CDKAL1: variants seen among roughly 807,000 people sequenced by gnomAD.
The protein encoded by CDKAL1 is threonylcarbamoyladenosine tRNA methylthiotransferase.
A neutral mutation model predicts 68.2 loss-of-function variants in CDKAL1; 32 were observed. The ratio of observed to expected loss-of-function variants is 0.47; its 90% CI spans 0.35 to 0.63. CDKAL1 has a LOEUF of 0.63. CDKAL1 is among the 30% of genes least tolerant of loss of function. The pLI is 0.00. For synonymous variants in CDKAL1, 234 were observed against 244.3 expected (o/e 0.96, Z 0.39); for missense variants, 606 against 696.7 (o/e 0.87, Z 1.47).
At chr6:21,019,530 G>T (rs139761523) in intron 11 of CDKAL1, among the ~76,000 whole-genome samples, 27 of 152,166 alleles carry the variant, frequency 1.8e-4, no homozygotes, top group African/African-American at 6.5e-4. Flanking sequence ...TAGACTTGAG[G>T]CTATATAACA....
chr6:20,932,940 A>C (rs902644977), intron 9 of CDKAL1, among the ~76,000 whole-genome samples: 1 of 152,178 alleles, frequency 6.6e-6, no homozygotes, highest in Admixed American at 6.6e-5. Flanking sequence ...TTGTTATTGT[A>C]TTTAGTAGCC....
Position 20,919,261 on chromosome 6 carries a change from C to T in CDKAL1, c.743-36158C>T, listed in dbSNP as rs146475689. ...ACACTGTAGACTTTTCTTCATTATT[C>T]ACAGTAGATTTAAATCACGATCAGA... On this transcript the variant is annotated intron_variant, in intron 9 of 15. Coordinates refer to ENST00000274695, the MANE Select transcript of CDKAL1 (RefSeq NM_017774.3). Among the ~76,000 whole-genome samples, 6 of 152,308 alleles carry T rather than the reference C, an allele frequency of 3.9e-5. No homozygotes were observed. The East Asian group carries it at 1.2e-3, about 29-fold the overall frequency.
At chr6:20,671,870 C>A (rs945707252) in intron 5 of CDKAL1, among the ~76,000 whole-genome samples, 1 of 152,124 alleles carries the variant, frequency 6.6e-6, no homozygotes, top group South Asian at 2.1e-4. Context: ...TCCCTAGTAG[C>A]TGGGACTCTA....
chr6:20,979,072 A>T (rs1765979839), intron 10 of CDKAL1, among the ~76,000 whole-genome samples: 2 of 152,244 alleles, frequency 1.3e-5, no homozygotes, highest in African/African-American at 2.4e-5. Context: ...CTGTATAAAA[A>T]GTAAGAGTGT....
At chr6:20,732,418 G>A (rs1464717879) in intron 5 of CDKAL1, among the ~76,000 whole-genome samples, 55 of 150,718 alleles carry the variant, frequency 3.6e-4, no homozygotes, top group Admixed American at 3.6e-3. Flanking sequence ...TGGGATTGCA[G>A]CTGTGCACCA....
At chr6:20,559,502 G>C (rs1424140786) in intron 4 of CDKAL1, 3 of 152,000 alleles carry the variant, frequency 2.0e-5, no homozygotes, top group Non-Finnish European at 1.5e-5. Context: ...ATCTTTTTTT[G>C]TTGTCTTTCT....
chr6:20,761,460 A>G (rs1561754828), intron 7 of CDKAL1, among the ~76,000 whole-genome samples: 1 of 152,206 alleles, frequency 6.6e-6, no homozygotes, highest in Non-Finnish European at 1.5e-5. Context: ...TCTATACAAA[A>G]ACCTGTTCAG....
At chr6:20,866,505 C>A (rs1456438392) in intron 9 of CDKAL1, among the ~76,000 whole-genome samples, 2 of 152,170 alleles carry the variant, frequency 1.3e-5, no homozygotes, top group African/African-American at 4.8e-5. Context: ...AGCCATCTTG[C>A]TTTGTGGTTT....
At chr6:21,117,607 A>G (rs186476374) in intron 13 of CDKAL1, among the ~76,000 whole-genome samples, 5 of 152,278 alleles carry the variant, frequency 3.3e-5, no homozygotes, top group Admixed American at 3.3e-4. Flanking sequence ...ACTGCACTCC[A>G]GCCTGGGCAA....
At chr6:20,717,709 C>T (rs1400714852) in intron 5 of CDKAL1, among the ~76,000 whole-genome samples, 2 of 152,112 alleles carry the variant, frequency 1.3e-5, no homozygotes, top group Non-Finnish European at 2.9e-5. Flanking sequence ...TTGTGGTTAG[C>T]AATATATGTC....
Position 21,132,482 on chromosome 6 carries a change from T to G in CDKAL1, c.1299+24019T>G, listed in dbSNP as rs1254323414. On this transcript the variant is annotated intron_variant, in intron 13 of 15. Transcript: ENST00000274695. ...TTAAAAATCTCTTAAGCTCAGCCAT[T>G]ATACATAAGGTCTTATTTATGTTAA... Among the ~76,000 whole-genome samples, 611 of 152,252 alleles carry G rather than the reference T, an allele frequency of 4.0e-3. 5 individuals carry two copies. Among genetic ancestry groups the G allele is most frequent in the African/African-American group, 0.014 (582 of 41,552 alleles).
chr6:21,224,179 C>T (rs1026861742), intron 15 of CDKAL1, among the ~76,000 whole-genome samples: 1 of 152,170 alleles, frequency 6.6e-6, no homozygotes, highest in Admixed American at 6.5e-5. Context: ...ACGATGTTAC[C>T]TTACATGGCA....
At chr6:20,631,077 G>T (rs879126216) in intron 4 of CDKAL1, among the ~76,000 whole-genome samples, 1 of 152,272 alleles carries the variant, frequency 6.6e-6, no homozygotes, top group Non-Finnish European at 1.5e-5. Context: ...GGTCGGCATG[G>T]TTTTGTTTTT....
intron 13 of CDKAL1, among the ~76,000 whole-genome samples, chr6:21,175,537 T>C (rs1474396759): frequency 6.6e-6 from 1 of 152,198 alleles, no homozygotes; most frequent in Non-Finnish European, 1.5e-5. Context: ...AGATTATAAT[T>C]AGCTTCTACT....
intron 8 of CDKAL1, among the ~76,000 whole-genome samples, chr6:20,784,412 CTTTTTTT>C (rs1175015329): frequency 2.3e-3 from 76 of 33,476 alleles, no homozygotes; most frequent in South Asian, 4.1e-3. Flanking sequence ...TATTTTATTT[CTTTTTTT>C]TTTTTTTTTT....
intron 4 of CDKAL1, among the ~76,000 whole-genome samples, chr6:20,557,971 C>T (rs1764127272): frequency 6.6e-6 from 1 of 152,122 alleles, no homozygotes; most frequent in East Asian, 1.9e-4. Flanking sequence ...AACAAACATC[C>T]TTAACTTGCC....
At chr6:20,843,852 T>C (rs951348156) in intron 8 of CDKAL1, among the ~76,000 whole-genome samples, 2 of 152,092 alleles carry the variant, frequency 1.3e-5, no homozygotes, top group Non-Finnish European at 2.9e-5. Context: ...AATGAGGTAG[T>C]ATTAGAAGGA....
At chr6:21,143,996 TA>T (rs36008085) in intron 13 of CDKAL1, among the ~76,000 whole-genome samples, 4 of 149,954 alleles carry the variant, frequency 2.7e-5, no homozygotes, top group South Asian at 2.1e-4. Context: ...AGTTGGATGG[TA>T]AAAAAAAAAC....
intron 5 of CDKAL1, among the ~76,000 whole-genome samples, chr6:20,724,038 T>G (rs1772519395): frequency 6.6e-6 from 1 of 152,152 alleles, no homozygotes; most frequent in African/African-American, 2.4e-5. Context: ...GTTTAAGTGA[T>G]TTTCCCACCT....
Sources: allele counts gnomAD v4.1 joint callset (sites outside exome capture counted in the v4.1 genomes callset), GRCh38; gene constraint gnomAD v4.1.1; transcripts MANE v1.5; gene names NCBI Gene and HGNC (gene_info 2026-07-23, HGNC 2026-07-21).